The following CNTN5 variants were observed in gnomAD, a reference collection of about 807,000 sequenced individuals.
CNTN5 encodes contactin-5.
A neutral mutation model predicts 129.1 loss-of-function variants in CNTN5; 77 were observed. The observed-to-expected ratio is 0.60, with a 90% CI of 0.50 to 0.72. CNTN5 has a LOEUF of 0.72. Among genes scored for constraint, CNTN5 ranks in the 30% least tolerant of loss-of-function variants. CNTN5 has a pLI of 0.00. For missense variants in CNTN5, 1,478 were observed against 1,328.8 expected, an observed-to-expected ratio of 1.11 and a Z score of -1.75; for synonymous variants, 509 against 465.6, an observed-to-expected ratio of 1.09 and a Z score of -1.20.
intron 2 of CNTN5, among the ~76,000 whole-genome samples, chr11:99,483,545 A>G (rs1484967305): frequency 6.6e-6 from 1 of 152,076 alleles, no homozygotes; most frequent in East Asian, 1.9e-4. Flanking sequence ...GCTGCTGCTC[A>G]CCATTTTCAG....
intron 1 of CNTN5, chr11:99,049,631 C>T (rs1354335659): frequency 6.6e-6 from 1 of 152,108 alleles, no homozygotes; most frequent in Non-Finnish European, 1.5e-5. Context: ...CCAGGACCCT[C>T]CCCAGCAATG....
chr11:99,669,466 GTGTGTGTATA>G (rs59652250), intron 3 of CNTN5, among the ~76,000 whole-genome samples: 49,966 of 129,176 alleles, frequency 0.39, 8,823 homozygotes, highest in Admixed American at 0.5. Context: ...GTGTGTGTGT[GTGTGTGTATA>G]TGTGTATACA....
At position 99,833,982 on chromosome 11, in the gene CNTN5, C is replaced by T. The variant is rs141389496; in HGVS notation, c.278-10870C>T. Among the ~76,000 whole-genome samples, 893 of 152,270 alleles carry T rather than the reference C, an allele frequency of 5.9e-3. 7 individuals carry two copies. The highest frequency in any genetic ancestry group is 0.021 in the African/African-American group (872 of 41,548). On this transcript the variant is annotated intron_variant, in intron 4 of 24. Coordinates refer to ENST00000524871, the MANE Select transcript of CNTN5 (RefSeq NM_014361.4). ...CCAAATGTCCTATAATTGCAAAGCA[C>T]AGGACTCTTAAGTGTCCTGACAGGC... is the stretch of plus-strand genomic sequence containing the variant.
chr11:99,387,771 G>T (rs932282145), intron 2 of CNTN5, among the ~76,000 whole-genome samples: 1 of 152,058 alleles, frequency 6.6e-6, no homozygotes, highest in Non-Finnish European at 1.5e-5. Context: ...GATATTTGTA[G>T]GTATATAGAC....
Position 99,141,399 on chromosome 11 carries a change from ATCT to A in CNTN5, c.-210+120134_-210+120136del, listed in dbSNP as rs544932851. 5.9e-5 allele frequency among the ~76,000 whole-genome samples: 9 copies of A among 151,608 alleles called. No homozygotes were observed. In the East Asian group the frequency reaches 1.6e-3, roughly 26 times the overall value. ...GTCATTTCTCATTTTGTTTATTTGG[ATCT>A]TCTTTGTATTTTTATTAGTTTAGCT... On this transcript the variant is annotated intron_variant, in intron 1 of 24. Transcript: ENST00000524871.
At chr11:99,383,164 C>CT (rs1271532776) in intron 2 of CNTN5, among the ~76,000 whole-genome samples, 1 of 151,934 alleles carries the variant, frequency 6.6e-6, no homozygotes, top group Admixed American at 6.6e-5. Flanking sequence ...CTCTAAATAA[C>CT]TTTTATTTCA....
At chr11:99,201,764 T>A (rs1859221748) in intron 1 of CNTN5, among the ~76,000 whole-genome samples, 1 of 152,180 alleles carries the variant, frequency 6.6e-6, no homozygotes, top group Non-Finnish European at 1.5e-5. Context: ...GGAAGGGGGC[T>A]ATGAAATAAG....
At chr11:99,845,022 C>T in intron 5 of CNTN5, 47 bp downstream of exon 5, 4 of 1,608,640 alleles carry the variant, frequency 2.5e-6, no homozygotes, top group Non-Finnish European at 3.4e-6. Flanking sequence ...AAAAACTTTC[C>T]ATCAATGATA....
chr11:99,629,728 A>G (rs868183401), intron 3 of CNTN5, among the ~76,000 whole-genome samples: 1 of 152,012 alleles, frequency 6.6e-6, no homozygotes, highest in African/African-American at 2.4e-5. Context: ...TACAGAGCCT[A>G]TTGCTAGGTT....
At chr11:100,181,736 C>T (rs912820458) in intron 13 of CNTN5, among the ~76,000 whole-genome samples, 10 of 151,902 alleles carry the variant, frequency 6.6e-5, no homozygotes, top group Non-Finnish European at 1.5e-4. Flanking sequence ...TTACAATTAT[C>T]TCCAAAATGT....
intron 1 of CNTN5, among the ~76,000 whole-genome samples, chr11:99,301,677 C>T (rs1864645795): frequency 6.6e-6 from 1 of 151,594 alleles, no homozygotes; most frequent in Non-Finnish European, 1.5e-5. Context: ...ATGTATAGAA[C>T]CTCTAGGCAG....
At position 99,996,846 on chromosome 11, in the gene CNTN5, A is replaced by T. The variant is rs1168704058; in HGVS notation, c.878-5188A>T. ...TGCCACTTTAAAAGTCTCAGATTTC[A>T]TGAGAACTCCCTCACTATCATGAGG... On this transcript the variant is annotated intron_variant, in intron 8 of 24. Transcript: ENST00000524871. Among the ~76,000 whole-genome samples the T allele has an allele frequency of 2.6e-5, 4 of 152,116 alleles. No homozygotes were observed. The East Asian group carries it at 7.7e-4, about 29-fold the overall frequency.
intron 7 of CNTN5, among the ~76,000 whole-genome samples, chr11:99,923,942 C>G (rs1950000486): frequency 6.6e-6 from 1 of 152,248 alleles, no homozygotes; most frequent in East Asian, 1.9e-4. Flanking sequence ...CAGGCGCACA[C>G]CACCACACCC....
chr11:99,760,270 G>C (rs554525944), intron 3 of CNTN5, among the ~76,000 whole-genome samples: 1 of 152,240 alleles, frequency 6.6e-6, no homozygotes, highest in Admixed American at 6.5e-5. Context: ...TCAGTGACCT[G>C]TGTCACAGAA....
chr11:99,642,304 T>C (rs1951799420), intron 3 of CNTN5, among the ~76,000 whole-genome samples: 1 of 152,226 alleles, frequency 6.6e-6, no homozygotes, highest in South Asian at 2.1e-4. Flanking sequence ...TTCTGTCATT[T>C]GGTTTTATGA....
chr11:100,301,488 T>C lies in CNTN5; in HGVS notation c.2620+2092T>C, dbSNP rs115116554. ...ATTCCTGTAACATATTTCATAGTAA[T>C]GTAACACTTCATTTATTTTAATCAA... On this transcript the variant is annotated intron_variant, in intron 20 of 24. Transcript: ENST00000524871. 9.5e-3 allele frequency among the ~76,000 whole-genome samples: 1,433 copies of C among 151,266 alleles called. 21 individuals carry two copies. Among genetic ancestry groups the C allele is most frequent in the African/African-American group, 0.033 (1,356 of 40,976 alleles).
rs111866029 is a variant in CNTN5, at chr11:99,655,824, G to A, written c.55+99555G>A. On this transcript the variant is annotated intron_variant, in intron 3 of 24. Transcript: ENST00000524871. ...TAGTAGTAGAATAAAGAGGTAGGAT[G>A]TAAAGACAGGAATAAATTTATCCAT... is the stretch of plus-strand genomic sequence containing the variant. Among the ~76,000 whole-genome samples the A allele has an allele frequency of 6.6e-3, 1,010 of 152,004 alleles. 7 individuals are homozygous for A. The highest frequency in any genetic ancestry group is 0.011 in the Non-Finnish European group (716 of 67,946).
At chr11:100,140,968 A>C (rs1445835259) in intron 13 of CNTN5, among the ~76,000 whole-genome samples, 1 of 152,182 alleles carries the variant, frequency 6.6e-6, no homozygotes, top group Non-Finnish European at 1.5e-5. Context: ...TATGGGCATG[A>C]GCGTTGTACA....
At chr11:100,220,681 C>A (rs1167071599) in intron 15 of CNTN5, among the ~76,000 whole-genome samples, 1 of 152,178 alleles carries the variant, frequency 6.6e-6, no homozygotes, top group Non-Finnish European at 1.5e-5. Context: ...GCCAGACACA[C>A]TGCTATGGGC....
Sources: gnomAD v4.1 joint callset for allele counts (sites outside exome capture counted in the v4.1 genomes callset) on GRCh38, gnomAD v4.1.1 for gene constraint, MANE v1.5 for transcripts, NCBI Gene and HGNC (gene_info 2026-07-23, HGNC 2026-07-21) for gene names.